RASSF3: variants seen among roughly 807,000 people sequenced by gnomAD.
RASSF3 encodes the protein Ras association domain family member 3.
RASSF3 carries 19 observed loss-of-function variants against 19.9 expected under a neutral mutation model. The ratio of observed to expected loss-of-function variants is 0.96; its 90% CI spans 0.67 to 1.40. The LOEUF (loss-of-function observed/expected upper bound fraction) is 1.40, where lower values mean the gene tolerates loss of function less well. Ranked by LOEUF, RASSF3 falls within the 40% of genes most tolerant of loss-of-function variation. The pLI, the probability that RASSF3 is intolerant of heterozygous loss-of-function variation, is 0.00. For synonymous variants in RASSF3, 110 were observed against 104.2 expected, an observed-to-expected ratio of 1.06 and a Z score of -0.34; for missense variants, 306 against 289.8, an observed-to-expected ratio of 1.06 and a Z score of -0.41.
intron 1 of RASSF3, among the ~76,000 whole-genome samples, chr12:64,649,828 ACAGTGTGGGCCTTGCAGGGAG>A (rs1281970243): frequency 6.6e-6 from 1 of 152,230 alleles, no homozygotes; most frequent in East Asian, 1.9e-4. Context: ...AATAGCTTTC[ACAGTGTGGGCCTTGCAGGGAG>A]CACAAGGCCA....
At chr12:64,596,575 T>A (rs1412619806) in intron 2 of RASSF3, among the ~76,000 whole-genome samples, 2 of 152,138 alleles carry the variant, frequency 1.3e-5, no homozygotes, top group African/African-American at 2.4e-5. Flanking sequence ...TTTCACAAAC[T>A]ATGGTCAGAG....
intron 2 of RASSF3, among the ~76,000 whole-genome samples, chr12:64,560,996 AAGAATGAGTCTGTATTAGTAC>A (rs896719215): frequency 2.0e-5 from 3 of 151,136 alleles, no homozygotes; most frequent in African/African-American, 7.3e-5. Context: ...TGTATTAGTA[AAGAATGAGTCTGTATTAGTAC>A]AGAATGAGTC....
At chr12:64,684,115 C>T (rs1351539372) in intron 1 of RASSF3, among the ~76,000 whole-genome samples, 5 of 141,430 alleles carry the variant, frequency 3.5e-5, no homozygotes, top group Admixed American at 7.2e-5. Flanking sequence ...GAGACAGGGT[C>T]GCACTCTGTC....
At chr12:64,658,289 C>T (rs985823124) in intron 1 of RASSF3, among the ~76,000 whole-genome samples, 4 of 152,092 alleles carry the variant, frequency 2.6e-5, no homozygotes, top group African/African-American at 7.2e-5. Flanking sequence ...GAATGAAGAT[C>T]CTCCTGGTGC....
At chr12:64,610,838 G>A in intron 1 of RASSF3, 95 bp downstream of exon 1, 1 of 639,098 alleles carries the variant, frequency 1.6e-6, no homozygotes, top group Non-Finnish European at 2.5e-6. Flanking sequence ...TCTGCGGGGC[G>A]CTCGGGGGAT....
chr12:64,610,991 G>C (rs1870336465), intron 1 of RASSF3, among the ~76,000 whole-genome samples: 1 of 152,186 alleles, frequency 6.6e-6, no homozygotes, highest in Non-Finnish European at 1.5e-5. Context: ...TTCCGCGCCA[G>C]ATGGCCTCTG....
At chr12:64,672,487 A>G (rs1872732349) in intron 1 of RASSF3, among the ~76,000 whole-genome samples, 1 of 152,056 alleles carries the variant, frequency 6.6e-6, no homozygotes, top group Non-Finnish European at 1.5e-5. Flanking sequence ...CGGCCTCCCA[A>G]AGTGCTGGGA....
intron 2 of RASSF3, among the ~76,000 whole-genome samples, chr12:64,574,987 C>T (rs1869573057): frequency 6.6e-6 from 1 of 152,194 alleles, no homozygotes; most frequent in African/African-American, 2.4e-5. Context: ...AAGCTTTCCT[C>T]TGAAACTGGA....
chr12:64,650,141 G>A (rs1196695407), intron 1 of RASSF3, among the ~76,000 whole-genome samples: 1 of 152,218 alleles, frequency 6.6e-6, no homozygotes, highest in African/African-American at 2.4e-5. Context: ...GGGATCCCCA[G>A]TATAAACTTT....
At chr12:64,621,929 A>G (rs1870785058) in intron 1 of RASSF3, among the ~76,000 whole-genome samples, 3 of 152,034 alleles carry the variant, frequency 2.0e-5, no homozygotes, top group Non-Finnish European at 4.4e-5. Context: ...GAGTTGGGTG[A>G]TGTGTTTTCT....
chr12:64,548,286 C>T (rs983657488), intron 2 of RASSF3, among the ~76,000 whole-genome samples: 1 of 152,088 alleles, frequency 6.6e-6, no homozygotes, highest in African/African-American at 2.4e-5. Context: ...CTCAAGGGAT[C>T]CTCAGCCTCC....
chr12:64,639,149 A>T (rs1871424723), intron 1 of RASSF3, among the ~76,000 whole-genome samples: 1 of 151,994 alleles, frequency 6.6e-6, no homozygotes, highest in Admixed American at 6.6e-5. Flanking sequence ...CTGTATGCTG[A>T]TTTTTTTTGA....
intron 2 of RASSF3, among the ~76,000 whole-genome samples, chr12:64,601,582 G>C (rs766366028): frequency 1.3e-5 from 2 of 152,112 alleles, no homozygotes; most frequent in Admixed American, 6.6e-5. Context: ...AGCACTATGG[G>C]AGGCTGAGGT....
At chr12:64,509,404 G>T (rs1280091740) in intron 1 of RASSF3, among the ~76,000 whole-genome samples, 1 of 152,060 alleles carries the variant, frequency 6.6e-6, no homozygotes, top group East Asian at 1.9e-4. Context: ...GAGCTAAGAT[G>T]GAACCACTGC....
At chr12:64,601,423 G>T (rs867212028) in intron 2 of RASSF3, among the ~76,000 whole-genome samples, 1 of 152,132 alleles carries the variant, frequency 6.6e-6, no homozygotes, top group Admixed American at 6.6e-5. Context: ...GAAGCTTTAG[G>T]TCTGAGGCCC....
intron 2 of RASSF3, among the ~76,000 whole-genome samples, chr12:64,571,966 G>T (rs1265428947): frequency 6.6e-6 from 1 of 152,140 alleles, no homozygotes; most frequent in Non-Finnish European, 1.5e-5. Context: ...AGGACAAAGG[G>T]CCTTCCACCA....
chr12:64,610,914 T>TG (rs1485989285), intron 1 of RASSF3, among the ~76,000 whole-genome samples, 171 bp downstream of exon 1: 1 of 152,018 alleles, frequency 6.6e-6, no homozygotes, highest in African/African-American at 2.4e-5. Flanking sequence ...GGAACGTGCC[T>TG]GGAGCTTGTG....
At chr12:64,656,591 G>T (rs905920441) in intron 1 of RASSF3, among the ~76,000 whole-genome samples, 1 of 152,158 alleles carries the variant, frequency 6.6e-6, no homozygotes, top group African/African-American at 2.4e-5. Flanking sequence ...TTATCTTCTG[G>T]TGGTGGGGAA....
intron 2 of RASSF3, among the ~76,000 whole-genome samples, chr12:64,589,623 A>T (rs1425111866): frequency 6.6e-6 from 1 of 151,996 alleles, no homozygotes; most frequent in East Asian, 1.9e-4. Context: ...TTTTTCCATA[A>T]AGAAAAGGTG....
Sources: gnomAD v4.1 joint callset for allele counts (sites outside exome capture counted in the v4.1 genomes callset) on GRCh38, gnomAD v4.1.1 for gene constraint, MANE v1.5 for transcripts, NCBI Gene and HGNC (gene_info 2026-07-23, HGNC 2026-07-21) for gene names.